TLN2: variants seen among roughly 807,000 people sequenced by gnomAD.
TLN2 encodes talin 2.
In TLN2, 118 loss-of-function variants were observed where a neutral mutation model predicts 294.7. The ratio of observed to expected loss-of-function variants is 0.40; its 90% CI spans 0.34 to 0.47. The LOEUF (loss-of-function observed/expected upper bound fraction) is 0.47. Ranked by LOEUF, TLN2 falls within the 20% of genes least tolerant of loss-of-function variation. The pLI is 0.84. For synonymous variants in TLN2, 1,431 were observed against 1,304.5 expected, an observed-to-expected ratio of 1.10 and a Z score of -2.09; for missense variants, 3,083 against 3,282.2, an observed-to-expected ratio of 0.94 and a Z score of 1.48.
At chr15:62,397,477 T>C (rs2032645846) in intron 1 of TLN2, among the ~76,000 whole-genome samples, 1 of 152,046 alleles carries the variant, frequency 6.6e-6, no homozygotes, top group Non-Finnish European at 1.5e-5. Context: ...TTGCCCAGAG[T>C]GGTCTCGAAC....
intron 28 of TLN2, among the ~76,000 whole-genome samples, chr15:62,733,602 G>T (rs1254109929): frequency 6.6e-6 from 1 of 152,216 alleles, no homozygotes; most frequent in Non-Finnish European, 1.5e-5. Context: ...TTTGTCTTCT[G>T]AGGTTGCTAT....
At chr15:62,829,465 G>A (rs1204424121) in intron 54 of TLN2, 1 of 152,012 alleles carries the variant, frequency 6.6e-6, no homozygotes, top group Non-Finnish European at 1.5e-5. Flanking sequence ...GGAAAGACCT[G>A]CCCCCATGAT....
intron 8 of TLN2, among the ~76,000 whole-genome samples, chr15:62,656,717 T>C (rs946156820): frequency 6.6e-6 from 1 of 152,178 alleles, no homozygotes; most frequent in African/African-American, 2.4e-5. Flanking sequence ...TATCTGCCCA[T>C]AGAAATAATG....
intron 46 of TLN2, among the ~76,000 whole-genome samples, chr15:62,793,270 A>T (rs2065206894): frequency 6.6e-6 from 1 of 152,188 alleles, no homozygotes; most frequent in African/African-American, 2.4e-5. Flanking sequence ...GGGTTAGGCC[A>T]CATGGGGCAG....
intron 1 of TLN2, among the ~76,000 whole-genome samples, chr15:62,410,673 A>G (rs1399492904): frequency 6.6e-6 from 1 of 152,240 alleles, no homozygotes; most frequent in African/African-American, 2.4e-5. Flanking sequence ...GGATGGGCGC[A>G]GCCTCTTATC....
chr15:62,438,612 G>A (rs745792294), intron 1 of TLN2, among the ~76,000 whole-genome samples: 6 of 152,180 alleles, frequency 3.9e-5, no homozygotes, highest in African/African-American at 4.8e-5. Flanking sequence ...GAAGTAGGGA[G>A]GTAGGTGGGG....
intron 1 of TLN2, among the ~76,000 whole-genome samples, chr15:62,492,669 C>T (rs75032698): frequency 0.036 from 5,513 of 151,204 alleles, 136 homozygotes; most frequent in African/African-American, 0.07. Flanking sequence ...TTTTTTTCAA[C>T]GCATTTCCCC....
chr15:62,815,522 A>G (rs940499911), intron 52 of TLN2, among the ~76,000 whole-genome samples: 5 of 152,154 alleles, frequency 3.3e-5, no homozygotes, highest in Admixed American at 6.5e-5. Flanking sequence ...GTGTCCAGCA[A>G]TCTGCAGAAA....
intron 1 of TLN2, among the ~76,000 whole-genome samples, chr15:62,587,427 C>T (rs2045698603): frequency 6.6e-6 from 1 of 152,344 alleles, no homozygotes; most frequent in East Asian, 1.9e-4. Flanking sequence ...AGACATCTCT[C>T]TGGACATCCA....
intron 37 of TLN2, among the ~76,000 whole-genome samples, chr15:62,759,881 C>G (rs1348009437): frequency 6.6e-6 from 1 of 152,188 alleles, no homozygotes; most frequent in Admixed American, 6.5e-5. Context: ...GTGGCACCCA[C>G]CCTGCCTCGC....
intron 2 of TLN2, among the ~76,000 whole-genome samples, chr15:62,593,512 C>T (rs1456122908): frequency 6.6e-6 from 1 of 152,198 alleles, no homozygotes; most frequent in Non-Finnish European, 1.5e-5. Flanking sequence ...TAATTTCTTT[C>T]CACATTAAGA....
At chr15:62,437,971 C>T (rs1215454782) in intron 1 of TLN2, among the ~76,000 whole-genome samples, 1 of 152,186 alleles carries the variant, frequency 6.6e-6, no homozygotes, top group African/African-American at 2.4e-5. Flanking sequence ...CATCTATGGA[C>T]CATCCCCTTT....
chr15:62,423,730 G>A (rs920769532), intron 1 of TLN2, among the ~76,000 whole-genome samples: 9 of 151,994 alleles, frequency 5.9e-5, no homozygotes, highest in African/African-American at 1.7e-4. Flanking sequence ...ACAGATGCCC[G>A]CCACCACACC....
intron 1 of TLN2, among the ~76,000 whole-genome samples, chr15:62,577,851 A>G (rs568318494): frequency 6.6e-6 from 1 of 152,104 alleles, no homozygotes; most frequent in South Asian, 2.1e-4. Context: ...CCAGCCTCCT[A>G]CTACCTAACA....
intron 2 of TLN2, among the ~76,000 whole-genome samples, chr15:62,603,608 A>G (rs2047179310): frequency 6.6e-6 from 1 of 152,170 alleles, no homozygotes; most frequent in South Asian, 2.1e-4. Context: ...TCTTAAAATC[A>G]TTATTCTTTT....
At position 62,679,958 on chromosome 15, in the gene TLN2, T is replaced by C. The variant is rs540614453; in HGVS notation, c.957+4637T>C. The stretch of plus-strand genomic sequence containing the variant: ...CTATTCTTCCTCCATCGAGTTACTT[T>C]TGCATCATTTTCAAAATCTAGTTCA... On this transcript the variant is annotated intron_variant, in intron 11 of 58. Transcript: ENST00000636159. 2.0e-5 allele frequency among the ~76,000 whole-genome samples: 3 copies of C among 152,326 alleles called. No individual in the cohort carries two copies. The East Asian group carries it at 5.8e-4, about 29-fold the overall frequency.
At chr15:62,407,550 AC>A (rs1220399867) in intron 1 of TLN2, among the ~76,000 whole-genome samples, 1 of 152,192 alleles carries the variant, frequency 6.6e-6, no homozygotes, top group Non-Finnish European at 1.5e-5. Flanking sequence ...GGGAAAAACC[AC>A]CATCACCACC....
At chr15:62,736,327 A>C (rs537131723) in intron 28 of TLN2, among the ~76,000 whole-genome samples, 71 of 151,906 alleles carry the variant, frequency 4.7e-4, no homozygotes, top group African/African-American at 1.5e-3. Context: ...AAAAAAAAAA[A>C]AAAACAGTAA....
At chr15:62,562,130 A>C (rs976729261) in intron 1 of TLN2, among the ~76,000 whole-genome samples, 1 of 152,256 alleles carries the variant, frequency 6.6e-6, no homozygotes, top group Non-Finnish European at 1.5e-5. Flanking sequence ...TCTCTTAAAC[A>C]AATGATATAT....
Sources: gnomAD v4.1 joint callset for allele counts (sites outside exome capture counted in the v4.1 genomes callset) on GRCh38, gnomAD v4.1.1 for gene constraint, MANE v1.5 for transcripts, NCBI Gene and HGNC (gene_info 2026-07-23, HGNC 2026-07-21) for gene names.